Variants in P2RX4 observed in about 807,000 individuals in gnomAD.
P2RX4 encodes the protein purinergic receptor P2X 4, also known as P2X purinoceptor 4.
In P2RX4, 37 loss-of-function variants were observed where a neutral mutation model predicts 48.0. The observed-to-expected ratio is 0.77, with a 90% confidence interval of 0.59 to 1.01. The LOEUF is 1.01. P2RX4 is among the 50% of genes least tolerant of loss of function. The pLI is 0.00. For synonymous variants in P2RX4, 200 were observed against 199.7 expected, an observed-to-expected ratio of 1.00 and a Z score of -0.01; for missense variants, 501 against 521.4, an observed-to-expected ratio of 0.96 and a Z score of 0.38.
intron 5 of P2RX4, 128 bp from the exon 6 acceptor site, chr12:121,228,405 T>TAC (rs750441530): frequency 0.036 from 8,321 of 230,812 alleles, 161 homozygotes; most frequent in South Asian, 0.1. Flanking sequence ...TATATATATA[T>TAC]ACACACACAC....
At chr12:121,226,024 G>A (rs947341826) in intron 5 of P2RX4, among the ~76,000 whole-genome samples, 4 of 151,748 alleles carry the variant, frequency 2.6e-5, no homozygotes, top group South Asian at 2.1e-4. Flanking sequence ...CCACAGGGGC[G>A]CACCACCATG....
At chr12:121,230,576 C>A (rs1039661245) in intron 8 of P2RX4, among the ~76,000 whole-genome samples, 17 of 152,232 alleles carry the variant, frequency 1.1e-4, no homozygotes, top group African/African-American at 3.9e-4. Flanking sequence ...TTGAATTTTT[C>A]TTTTCTAGCA....
intron 5 of P2RX4, among the ~76,000 whole-genome samples, chr12:121,227,635 G>A (rs1164782646): frequency 6.6e-6 from 1 of 152,194 alleles, no homozygotes; most frequent in East Asian, 1.9e-4. Context: ...CCTTGGGGGA[G>A]AGGGCCTGCC....
intron 1 of P2RX4, chr12:121,216,933 C>T (rs558234656): frequency 1.1e-5 from 8 of 708,694 alleles, no homozygotes; most frequent in African/African-American, 5.2e-5. Context: ...ATTTATTTCC[C>T]GCAAACCCTC....
chr12:121,227,584 G>A (rs1887052573), intron 5 of P2RX4, among the ~76,000 whole-genome samples: 1 of 152,166 alleles, frequency 6.6e-6, no homozygotes, highest in African/African-American at 2.4e-5. Context: ...TTCCAGTGAG[G>A]CCACAAATCC....
At chr12:121,217,007 G>C in intron 1 of P2RX4, 127 bp from the exon 2 acceptor site, 1 of 951,196 alleles carries the variant, frequency 1.1e-6, no homozygotes, top group Non-Finnish European at 1.7e-6. Flanking sequence ...TAGAAGGTAC[G>C]TAGCTTGTAG....
chr12:121,210,430 G>A (rs1421385211), intron 1 of P2RX4, 132 bp downstream of exon 1: 3 of 888,142 alleles, frequency 3.4e-6, no homozygotes, highest in Admixed American at 8.9e-5. Flanking sequence ...CCTTCCCTGG[G>A]CCCCAGCCGC....
chr12:121,210,266 C>T lies in P2RX4; in HGVS notation c.102C>T (p.Ala34=). ...GCAAAGTGGGGCTCATGAACCGCGC[C>T]GTGCAACTGCTCATCCTGGCCTACG... ...RSRKVGLMNR[A]VQLLILAYVI... is the part of the protein sequence containing the mutation. Residue 34 remains alanine, a synonymous_variant, in exon 1 of 12, where the codon GCC becomes GCT. Transcript: ENST00000337233. The T allele has an allele frequency of 6.4e-7, 1 of 1,556,390 alleles. No homozygotes were observed. The highest frequency in any genetic ancestry group is 1.2e-5 in the South Asian group (1 of 84,844).
Position 121,229,615 on chromosome 12 carries a change from C to T in P2RX4, c.884+516C>T, listed in dbSNP as rs1887215547. Among the ~76,000 whole-genome samples, 1 of 151,980 alleles carries T rather than the reference C, an allele frequency of 6.6e-6. No homozygotes were observed. Among genetic ancestry groups the T allele is most frequent in the Non-Finnish European group, 1.5e-5 (1 of 67,978 alleles). ...CTCGGTGTCCTGGGGCAGATGTAAG[C>T]GAGTCCCACAAACAGTGGCTTGCAA... is the stretch of plus-strand genomic sequence containing the variant. On this transcript the variant is annotated intron_variant, in intron 8 of 11. Coordinates refer to ENST00000337233, the MANE Select transcript of P2RX4 (RefSeq NM_002560.3). This position sits in a 1 kb window ranked among gnomAD's most constrained non-coding sequence, Gnocchi z 4.6.
intron 5 of P2RX4, among the ~76,000 whole-genome samples, chr12:121,225,226 C>T (rs1322066629): frequency 1.3e-5 from 2 of 151,856 alleles, no homozygotes; most frequent in African/African-American, 4.8e-5. Flanking sequence ...GCACCCCCCA[C>T]CACACCTTGC....
At chr12:121,224,859 G>C (rs548808933) in intron 5 of P2RX4, among the ~76,000 whole-genome samples, 1 of 151,888 alleles carries the variant, frequency 6.6e-6, no homozygotes, top group African/African-American at 2.4e-5. Context: ...CAGAAGGAAA[G>C]GCTGAGAACT....
intron 5 of P2RX4, among the ~76,000 whole-genome samples, chr12:121,225,526 T>C (rs906319796): frequency 6.6e-6 from 1 of 152,224 alleles, no homozygotes; most frequent in Non-Finnish European, 1.5e-5. Flanking sequence ...TTCTCCTGCC[T>C]CAGCCTCCCC....
intron 1 of P2RX4, among the ~76,000 whole-genome samples, chr12:121,212,199 C>G (rs1332769025): frequency 1.3e-5 from 2 of 152,158 alleles, no homozygotes; most frequent in Admixed American, 1.3e-4. Context: ...GTTTGGCTTC[C>G]AATATCTGTC....
chr12:121,221,854 T>G (rs377086910), intron 2 of P2RX4, 59 bp from the exon 3 acceptor site: 15 of 1,465,788 alleles, frequency 1.0e-5, no homozygotes, highest in Middle Eastern at 1.7e-4. Context: ...GCGTCTGCCT[T>G]TCTTGGCTCT....
Position 121,222,030 on chromosome 12 carries a change from C to T in P2RX4, c.354+46C>T, listed in dbSNP as rs57130903. The T allele has an allele frequency of 1.1e-3, 1,789 of 1,597,466 alleles. 21 individuals carry two copies. In the African/African-American group the frequency reaches 0.021, roughly 19 times the overall value. On this transcript the variant is annotated intron_variant, in intron 3 of 11. Transcript: ENST00000337233. ...GCCCCAGGCCCCACACCCCTCTCCA[C>T]GCCTGTCCACCTGTGTGTGGGGCCG...
chr12:121,212,814 A>ATTTTTTTTT (rs1187859501), intron 1 of P2RX4: 1 of 31,474 alleles, frequency 3.2e-5, no homozygotes, highest in African/African-American at 1.4e-4. Flanking sequence ...ATATATATAT[A>ATTTTTTTTT]TATATATATA....
chr12:121,211,202 T>A (rs904299651), intron 1 of P2RX4, among the ~76,000 whole-genome samples: 1 of 152,178 alleles, frequency 6.6e-6, no homozygotes, highest in African/African-American at 2.4e-5. Flanking sequence ...GTTACTTTTT[T>A]AATTTTTTTA....
At chr12:121,228,506 A>G (rs1395305866) in intron 5 of P2RX4, 27 bp from the exon 6 acceptor site, 2 of 1,470,472 alleles carry the variant, frequency 1.4e-6, no homozygotes, top group East Asian at 2.3e-5. Flanking sequence ...GTATTTTATT[A>G]ACAGTAATGT....
intron 2 of P2RX4, 94 bp from the exon 3 acceptor site, chr12:121,221,819 G>T: frequency 1.0e-6 from 1 of 999,494 alleles, no homozygotes; most frequent in Non-Finnish European, 1.6e-6. Context: ...CACGCGGTCA[G>T]TGTTTGAGTT....
Sources: gnomAD v4.1 joint callset for allele counts (sites outside exome capture counted in the v4.1 genomes callset) on GRCh38, gnomAD v4.1.1 for gene constraint, Gnocchi (gnomAD v3.1) non-coding constraint, MANE v1.5 for transcripts, NCBI Gene and HGNC (gene_info 2026-07-23, HGNC 2026-07-21) for gene names.